Variants in NLRP11 observed in about 807,000 individuals in gnomAD.
NLRP11 encodes the protein NLR family pyrin domain containing 11.
NLRP11 carries 53 observed loss-of-function variants against 79.3 expected under a neutral mutation model. That is an observed-to-expected ratio of 0.67 (90% CI 0.54 to 0.84). The LOEUF is 0.84. Ranked by LOEUF, NLRP11 falls within the 40% of genes least tolerant of loss-of-function variation. The pLI, the probability that NLRP11 is intolerant of heterozygous loss-of-function variation, is 0.00. For missense variants in NLRP11, 1,264 were observed against 1,255.0 expected (o/e 1.01, Z -0.11); for synonymous variants, 518 against 462.6 (o/e 1.12, Z -1.54).
intron 7 of NLRP11, 137 bp downstream of exon 7, chr19:55,792,164 A>G (rs1600173525): frequency 1.4e-6 from 1 of 714,356 alleles, no homozygotes. Flanking sequence ...CATGTCGCCT[A>G]TTCTGGGGAG....
Position 55,815,952 on chromosome 19 carries a change from A to G in NLRP11, c.271+1952T>C, listed in dbSNP as rs150897438. On this transcript the variant is annotated intron_variant, in intron 2 of 9. Transcript: ENST00000589093. ...AGTCGAGGTTATGAGCCTTGACTCC[A>G]TAAAGTATATATAAGCCATGGGTTG... 6.5e-3 allele frequency among the ~76,000 whole-genome samples: 983 copies of G among 152,326 alleles called. 13 individuals are homozygous for G. The highest frequency in any genetic ancestry group is 0.023 in the African/African-American group (946 of 41,570).
intron 2 of NLRP11, among the ~76,000 whole-genome samples, chr19:55,812,507 A>G (rs1980700283): frequency 6.6e-6 from 1 of 152,228 alleles, no homozygotes; most frequent in African/African-American, 2.4e-5. Flanking sequence ...GGTATTCAAC[A>G]TCACGAATCA....
exon 3 of NLRP11, chr19:55,810,030 T>C (rs1980445017): frequency 6.2e-7 from 1 of 1,614,062 alleles, no homozygotes; most frequent in South Asian, 1.1e-5. Context: ...CTGTTGGTCA[T>C]CTGGTTTATT....
At chr19:55,833,537 G>C (rs574385375), upstream of NLRP11, among the ~76,000 whole-genome samples, 2 of 151,808 alleles carry the variant, frequency 1.3e-5, no homozygotes, top group Non-Finnish European at 2.9e-5. Flanking sequence ...AGGCTGAAGC[G>C]GGCAGATCAG....
exon 5 of NLRP11, chr19:55,801,718 A>G: frequency 6.2e-7 from 1 of 1,614,196 alleles, no homozygotes; most frequent in Non-Finnish European, 8.5e-7. Flanking sequence ...CAAAACCAGA[A>G]GCAGTCGAGA....
exon 8 of NLRP11, chr19:55,789,314 T>A (rs1990097055): frequency 6.2e-7 from 1 of 1,614,006 alleles, no homozygotes; most frequent in Non-Finnish European, 8.5e-7. Flanking sequence ...TTGCTCCCAA[T>A]CTCCAGGCTC....
chr19:55,785,778 C>A, exon 10 of NLRP11: 1 of 1,614,112 alleles, frequency 6.2e-7, no homozygotes, highest in Middle Eastern at 1.6e-4. Context: ...CCTTTAAAGA[C>A]CAAGTTTCAG....
chr19:55,793,388 G>A (rs1015845696), intron 6 of NLRP11, among the ~76,000 whole-genome samples: 20 of 151,808 alleles, frequency 1.3e-4, no homozygotes, highest in Admixed American at 1.3e-3. Flanking sequence ...GGTCAACATG[G>A]TGAAACCCCG....
At chr19:55,808,284 T>G (rs1269162519) in intron 3 of NLRP11, among the ~76,000 whole-genome samples, 4 of 152,220 alleles carry the variant, frequency 2.6e-5, no homozygotes, top group Admixed American at 1.3e-4. Flanking sequence ...ATATTAAAAA[T>G]CAATGTTGCA....
intron 7 of NLRP11, among the ~76,000 whole-genome samples, chr19:55,790,627 G>T (rs1990179623): frequency 6.6e-6 from 1 of 152,074 alleles, no homozygotes; most frequent in Admixed American, 6.6e-5. Flanking sequence ...ATTAAATACT[G>T]AATAATCATA....
intron 3 of NLRP11, 85 bp downstream of exon 3, chr19:55,808,684 T>C (rs1980247893): frequency 3.2e-6 from 4 of 1,264,646 alleles, no homozygotes; most frequent in African/African-American, 1.5e-5. Flanking sequence ...TGGCCCCGAG[T>C]TTGTCTTGTT....
Position 55,809,982 on chromosome 19 carries a change from C to T in NLRP11, c.628G>A (p.Gly210Ser). 2.5e-6 allele frequency: 4 copies of T among 1,614,150 alleles called. No homozygotes were observed. The highest frequency in any genetic ancestry group is 2.2e-5 in the East Asian group (1 of 44,868). The change falls in exon 3 of 10, where the codon GGC (glycine) becomes AGC (serine). Residue 210 changes from glycine (G) to serine (S), a missense_variant. Coordinates refer to ENST00000589093, the Ensembl canonical transcript of NLRP11. This position sits in a 1 kb window ranked among gnomAD's most constrained non-coding sequence, Gnocchi z 4.5. Reference sequence around the variant, plus strand: ...AGGATGTCTGCAATGGGAGCCTGGCCGTCAGGCCAGTCCTTGGCGATTAGC... The same window carrying T: ...AGGATGTCTGCAATGGGAGCCTGGCTGTCAGGCCAGTCCTTGGCGATTAGC...
chr19:55,789,202 AG>A, intron 8 of NLRP11, 26 bp downstream of exon 8: 1 of 1,590,112 alleles, frequency 6.3e-7, no homozygotes, highest in East Asian at 2.2e-5. Flanking sequence ...AGCTAAAGGC[AG>A]GGATCTTTCT....
chr19:55,805,871 C>A (rs921669813), intron 4 of NLRP11, among the ~76,000 whole-genome samples: 4 of 152,124 alleles, frequency 2.6e-5, no homozygotes, highest in African/African-American at 9.7e-5. Context: ...TCATCATTTT[C>A]AATTAGGCTT....
intron 1 of NLRP11, among the ~76,000 whole-genome samples, chr19:55,822,356 C>G (rs997772389): frequency 6.6e-6 from 1 of 152,196 alleles, no homozygotes; most frequent in African/African-American, 2.4e-5. Flanking sequence ...CTGAAGATGT[C>G]AAAGAAAAAT....
chr19:55,810,804 G>T (rs754668832), intron 2 of NLRP11, among the ~76,000 whole-genome samples: 4 of 152,078 alleles, frequency 2.6e-5, no homozygotes, highest in Admixed American at 6.5e-5. Context: ...GGCCCATATT[G>T]CTTTAAAGGA....
intron 6 of NLRP11, among the ~76,000 whole-genome samples, chr19:55,794,979 A>G (rs187282166): frequency 6.6e-6 from 1 of 152,324 alleles, no homozygotes; most frequent in East Asian, 1.9e-4. Context: ...CAAAAAAACA[A>G]GATGACCTAC....
chr19:55,800,174 A>G (rs1478009594), intron 5 of NLRP11, among the ~76,000 whole-genome samples: 1 of 152,188 alleles, frequency 6.6e-6, no homozygotes, highest in Admixed American at 6.5e-5. Flanking sequence ...CTTATTGGAG[A>G]TGAAGTCTAG....
At chr19:55,795,731 G>A (rs574111601) in intron 6 of NLRP11, among the ~76,000 whole-genome samples, 2 of 152,030 alleles carry the variant, frequency 1.3e-5, no homozygotes, top group South Asian at 4.1e-4. Flanking sequence ...CTTGTGATCC[G>A]CCTGCCTCGG....
Sources: gnomAD v4.1 joint callset for allele counts (sites outside exome capture counted in the v4.1 genomes callset) on GRCh38, gnomAD v4.1.1 for gene constraint, Gnocchi (gnomAD v3.1) non-coding constraint, MANE v1.5 for transcripts, NCBI Gene and HGNC (gene_info 2026-07-23, HGNC 2026-07-21) for gene names.